MRRF: variants seen among roughly 807,000 people sequenced by gnomAD.
The protein encoded by MRRF is mitochondrial ribosome recycling factor.
Under a neutral mutation model 25.1 loss-of-function variants are expected in MRRF, and 18 were observed. That is an observed-to-expected ratio of 0.72 (90% confidence interval 0.50 to 1.06). The LOEUF is 1.06. MRRF is among the 50% of genes least tolerant of loss of function. The pLI is 0.00. For missense variants in MRRF, 323 were observed against 319.3 expected, an observed-to-expected ratio of 1.01 and a Z score of -0.09; for synonymous variants, 113 against 112.1, an observed-to-expected ratio of 1.01 and a Z score of -0.05.
rs997778322 is a variant in MRRF, at chr9:122,327,129, T to C, written c.*4512T>C. The stretch of plus-strand genomic sequence containing the variant: ...AAATAGCATAGTACCTGGCACATTG[T>C]AAACACCAAAGAAATGGTAGCTCTT... On this transcript the variant is annotated 3_prime_UTR_variant, in exon 7 of 7. Transcript: ENST00000344641. 6.6e-6 allele frequency: 1 copy of C among 152,216 alleles called. No individual in the cohort carries two copies. Among genetic ancestry groups the C allele is most frequent in the African/African-American group, 2.4e-5 (1 of 41,456 alleles). 9.4% of individuals were successfully genotyped at this position (152,216 alleles called of 1,614,324 possible). A position where few individuals can be genotyped will look rare whatever the true frequency, so the allele number is the denominator to read the frequency against.
At chr9:122,293,387 C>G (rs1833893622) in intron 5 of MRRF, among the ~76,000 whole-genome samples, 2 of 152,152 alleles carry the variant, frequency 1.3e-5, no homozygotes, top group Admixed American at 1.3e-4. Context: ...TGTGCTGAAG[C>G]TGGGACCCAA....
chr9:122,286,773 G>A (rs1833437561), intron 4 of MRRF, among the ~76,000 whole-genome samples: 1 of 152,172 alleles, frequency 6.6e-6, no homozygotes, highest in Admixed American at 6.5e-5. Context: ...TCATTCCCAT[G>A]CTTTGCCTTT....
intron 5 of MRRF, among the ~76,000 whole-genome samples, chr9:122,303,844 A>G (rs893197242): frequency 6.6e-6 from 1 of 152,150 alleles, no homozygotes; most frequent in African/African-American, 2.4e-5. Context: ...CCATGTAATC[A>G]CATTTGCTCC....
chr9:122,314,204 G>T (rs1835375181), intron 6 of MRRF, among the ~76,000 whole-genome samples: 1 of 152,158 alleles, frequency 6.6e-6, no homozygotes. Flanking sequence ...CTGGGGTGTA[G>T]CTATTCTAGG....
chr9:122,315,382 A>T (rs1835449445), intron 6 of MRRF, among the ~76,000 whole-genome samples: 2 of 152,190 alleles, frequency 1.3e-5, no homozygotes, highest in African/African-American at 4.8e-5. Context: ...TACCTGTGTA[A>T]TGACACTAGA....
intron 5 of MRRF, among the ~76,000 whole-genome samples, chr9:122,311,270 C>T (rs1343912575): frequency 6.6e-6 from 1 of 152,136 alleles, no homozygotes; most frequent in African/African-American, 2.4e-5. Context: ...CAGCTCAGTA[C>T]CCTGAACCAG....
chr9:122,275,949 C>A (rs1588012436), intron 2 of MRRF, among the ~76,000 whole-genome samples: 1 of 151,844 alleles, frequency 6.6e-6, no homozygotes, highest in East Asian at 1.9e-4. Context: ...CCTCTGTCAC[C>A]CAGACTGGAG....
chr9:122,295,750 A>T (rs1409481899), intron 5 of MRRF, among the ~76,000 whole-genome samples: 1 of 152,024 alleles, frequency 6.6e-6, no homozygotes. Flanking sequence ...CTGGCCCCTT[A>T]GATCAGTTTC....
chr9:122,265,800 G>T (rs183063002), intron 1 of MRRF: 11 of 1,277,678 alleles, frequency 8.6e-6, no homozygotes, highest in Non-Finnish European at 1.1e-5. Flanking sequence ...CTGGAATCCA[G>T]ATCTCTTAAC....
chr9:122,290,759 C>G (rs1405868001), intron 4 of MRRF, among the ~76,000 whole-genome samples: 1 of 152,064 alleles, frequency 6.6e-6, no homozygotes, highest in African/African-American at 2.4e-5. Flanking sequence ...GAAAGGATCT[C>G]TAGGATTGCA....
chr9:122,320,516 G>T (rs1835831436), intron 6 of MRRF, among the ~76,000 whole-genome samples: 2 of 152,132 alleles, frequency 1.3e-5, no homozygotes, highest in South Asian at 4.1e-4. Context: ...GAGTACTGCT[G>T]GGCACCATGC....
chr9:122,273,956 C>T (rs1375272931), intron 2 of MRRF, among the ~76,000 whole-genome samples: 1 of 152,040 alleles, frequency 6.6e-6, no homozygotes, highest in African/African-American at 2.4e-5. Context: ...GGGTTGTTTC[C>T]AGTTTTGAGC....
At chr9:122,300,216 A>T (rs752470562) in intron 5 of MRRF, among the ~76,000 whole-genome samples, 1 of 152,184 alleles carries the variant, frequency 6.6e-6, no homozygotes, top group African/African-American at 2.4e-5. Flanking sequence ...ATTGACTGGG[A>T]GAAGCACAGT....
At chr9:122,290,784 A>G (rs1009712473) in intron 4 of MRRF, among the ~76,000 whole-genome samples, 1 of 152,140 alleles carries the variant, frequency 6.6e-6, no homozygotes, top group African/African-American at 2.4e-5. Context: ...AGGTATAGTT[A>G]TAATGTTGCT....
chr9:122,320,237 A>T (rs1182284368), intron 6 of MRRF, among the ~76,000 whole-genome samples: 2 of 152,178 alleles, frequency 1.3e-5, no homozygotes, highest in Non-Finnish European at 2.9e-5. Context: ...AACAAGAAAT[A>T]GCAAATAACC....
At chr9:122,292,227 A>T (rs1228229071) in intron 5 of MRRF, among the ~76,000 whole-genome samples, 3 of 152,202 alleles carry the variant, frequency 2.0e-5, no homozygotes, top group African/African-American at 4.8e-5. Context: ...AAGACTCTTT[A>T]TGCAGGTAAC....
intron 3 of MRRF, among the ~76,000 whole-genome samples, chr9:122,284,225 C>T (rs1202464718): frequency 6.6e-6 from 1 of 152,174 alleles, no homozygotes; most frequent in Non-Finnish European, 1.5e-5. Context: ...TTCTGATGCA[C>T]AGCCGGATTT....
intron 6 of MRRF, among the ~76,000 whole-genome samples, chr9:122,321,223 A>G (rs971031673): frequency 1.3e-5 from 2 of 152,148 alleles, no homozygotes; most frequent in Non-Finnish European, 2.9e-5. Context: ...TTTAGAGATC[A>G]TTTCTACTAT....
At chr9:122,288,437 C>G (rs549364652) in intron 4 of MRRF, among the ~76,000 whole-genome samples, 1 of 152,252 alleles carries the variant, frequency 6.6e-6, no homozygotes, top group African/African-American at 2.4e-5. Context: ...AACTGAGACT[C>G]AAAGCAGTAA....
Sources: allele counts gnomAD v4.1 joint callset (sites outside exome capture counted in the v4.1 genomes callset), GRCh38; gene constraint gnomAD v4.1.1; transcripts MANE v1.5; gene names NCBI Gene and HGNC (gene_info 2026-07-23, HGNC 2026-07-21).